The following FUT2 variants were observed in gnomAD, a reference collection of about 807,000 sequenced individuals.
FUT2 encodes galactoside alpha-(1,2)-fucosyltransferase 2.
For missense variants in FUT2, 419 were observed against 465.8 expected (o/e 0.90, Z 0.93); for synonymous variants, 182 against 193.1 (o/e 0.94, Z 0.48).
In FUT2 at chr19:48,703,170, C is replaced by T. The variant is rs1166576795; in HGVS notation, c.214C>T (p.Leu72=). 1 of 1,613,506 alleles carries T rather than the reference C, an allele frequency of 6.2e-7. No homozygotes were observed. The highest frequency in any genetic ancestry group is 1.1e-5 in the South Asian group (1 of 90,630). Residue 72 remains leucine (L), a synonymous_variant, in exon 2 of 2, where the codon CTG becomes TTG. Transcript: ENST00000425340. ...GTGGACGATCAATGCAATAGGCCGC[C>T]TGGGGAACCAGATGGGCGAGTACGC... ...GMWTINAIGR[L]GNQMGEYATL...
chr19:48,704,009 C>G lies in FUT2; in HGVS notation c.*21C>G. 1 of 1,605,728 alleles carries G rather than the reference C, an allele frequency of 6.2e-7. No individual in the cohort carries two copies. The highest frequency in any genetic ancestry group is 1.3e-5 in the African/African-American group (1 of 74,872). Reference sequence around the variant, plus strand: ...ACTAATGCTGGCCCATTCTTTGAGACCTTTTCTCCTTCTCTGCCTCCCTCA... The same window carrying G: ...ACTAATGCTGGCCCATTCTTTGAGAGCTTTTCTCCTTCTCTGCCTCCCTCA... On this transcript the variant is annotated 3_prime_UTR_variant, in exon 2 of 2. Transcript: ENST00000425340.
In FUT2 at chr19:48,704,516, C is replaced by T. The variant is rs28746182; in HGVS notation, c.*528C>T. The T allele has an allele frequency of 7.2e-6, 3 of 414,802 alleles. No homozygotes were observed. The highest frequency in any genetic ancestry group is 1.3e-5 in the Non-Finnish European group (3 of 226,162). 25.7% of individuals were successfully genotyped at this position (414,802 alleles called of 1,614,324 possible). ...CATAAGACCAGAAGTGGCCCAGGTC[C>T]AGGGTCAGTTAATTTAGCGGCTCCA... On this transcript the variant is annotated 3_prime_UTR_variant, in exon 2 of 2. Transcript: ENST00000425340.
At position 48,703,224 on chromosome 19, in the gene FUT2, G is replaced by A. The variant is rs764064106; in HGVS notation, c.268G>A (p.Gly90Arg). Reference sequence around the variant, plus strand: ...ACTGTACGCCCTGGCCAAGATGAACGGGCGGCCCGCCTTCATCCCGGCCCA... The same window carrying A: ...ACTGTACGCCCTGGCCAAGATGAACAGGCGGCCCGCCTTCATCCCGGCCCA... The part of the protein sequence containing the change: ...ATLYALAKMN[G>R]RPAFIPAQMH... The change falls in exon 2 of 2, where the codon GGG (glycine) becomes AGG (arginine). Residue 90 changes from glycine to arginine, a missense_variant. Gly to Arg is a moderately radical substitution (Grantham distance 125, BLOSUM62 -2). Coordinates refer to ENST00000425340, the MANE Select transcript of FUT2 (RefSeq NM_000511.6). 4.1e-5 allele frequency: 66 copies of A among 1,613,040 alleles called. 3 individuals are homozygous for A. The Admixed American group carries it at 5.0e-4, about 12-fold the overall frequency.
intron 1 of FUT2, among the ~76,000 whole-genome samples, chr19:48,701,137 A>G (rs73942308): frequency 0.16 from 24,807 of 151,520 alleles, 2,129 homozygotes; most frequent in Admixed American, 0.22. Context: ...AGAGCTCACT[A>G]TTTTCTTTTC....
chr19:48,697,836 A>G (rs1393950434), intron 1 of FUT2, among the ~76,000 whole-genome samples: 1 of 151,906 alleles, frequency 6.6e-6, no homozygotes, highest in African/African-American at 2.4e-5. Context: ...CTGAGATTAC[A>G]GTCATGAGCC....
chr19:48,704,596 C>T lies in FUT2; in HGVS notation c.*608C>T, dbSNP rs2032602332. 1 of 417,944 alleles carries T rather than the reference C, an allele frequency of 2.4e-6. No individual in the cohort carries two copies. 25.9% of individuals were successfully genotyped at this position (417,944 alleles called of 1,614,324 possible). A position where few individuals can be genotyped will look rare whatever the true frequency, so the allele number is the denominator to read the frequency against. On this transcript the variant is annotated 3_prime_UTR_variant, in exon 2 of 2. Coordinates refer to ENST00000425340, the MANE Select transcript of FUT2 (RefSeq NM_000511.6). ...ATCTTCACATGCTGTGCTACCATTT[C>T]TTAGCTGTATCATCCCATGGTCCCA...
chr19:48,700,166 A>G (rs2032485466), intron 1 of FUT2, among the ~76,000 whole-genome samples: 1 of 150,488 alleles, frequency 6.6e-6, no homozygotes, highest in South Asian at 2.1e-4. Flanking sequence ...AAAAAAAAAA[A>G]AAAAAAAAGA....
intron 1 of FUT2, among the ~76,000 whole-genome samples, chr19:48,697,780 C>T (rs1258079407): frequency 8.6e-5 from 13 of 151,978 alleles, no homozygotes; most frequent in Non-Finnish European, 1.8e-4. Context: ...CTGCAACCTC[C>T]GCCTCCCAGG....
chr19:48,703,144 T>A lies in FUT2; in HGVS notation c.188T>A (p.Met63Lys). The A allele has an allele frequency of 6.2e-7, 1 of 1,613,464 alleles. No homozygotes were observed. The highest frequency in any genetic ancestry group is 8.5e-7 in the Non-Finnish European group (1 of 1,180,030). ...KALGPSQLRG[M>K]WTINAIGRLG... is the part of the protein sequence containing the mutation. ...CTGGGACCCAGCCAGCTCAGGGGGA[T>A]GTGGACGATCAATGCAATAGGCCGC... The change falls in exon 2 of 2, where the codon ATG becomes AAG. Residue 63 changes from methionine (M) to lysine (K), a missense_variant. Met to Lys is a moderately conservative substitution (Grantham distance 95, BLOSUM62 -1). Transcript: ENST00000425340.
chr19:48,705,111 CTTTTTTT>C lies in FUT2; in HGVS notation c.*1134_*1140del. On this transcript the variant is annotated 3_prime_UTR_variant, in exon 2 of 2. Transcript: ENST00000425340. ...CACTGTTTTCTTTTCTTTTTCTTTT[CTTTTTTT>C]TTTTTTTTTTGAGATGGAGTCTTGC... is the stretch of plus-strand genomic sequence containing the variant. The C allele has an allele frequency of 7.3e-6, 1 of 136,100 alleles. No homozygotes were observed. The highest frequency in any genetic ancestry group is 1.5e-5 in the Non-Finnish European group (1 of 67,752). The allele number at this position is 136,100 out of a possible 1,614,324, so 8.4% of individuals were successfully genotyped here. A position where few individuals can be genotyped will look rare whatever the true frequency, so the allele number is the denominator to read the frequency against.
chr19:48,701,096 A>C (rs1367096842), intron 1 of FUT2, among the ~76,000 whole-genome samples: 1 of 151,878 alleles, frequency 6.6e-6, no homozygotes, highest in African/African-American at 2.4e-5. Context: ...TACTCATCAA[A>C]CCAGGTGTCC....
intron 1 of FUT2, 138 bp downstream of exon 1, chr19:48,696,227 C>A (rs1450950670): frequency 6.6e-6 from 1 of 152,256 alleles, no homozygotes; most frequent in Non-Finnish European, 1.5e-5. Context: ...CAACTCAGGA[C>A]CTCCAGGAGA....
chr19:48,704,192 T>G lies in FUT2; in HGVS notation c.*204T>G, dbSNP rs2032590562. The G allele has an allele frequency of 4.8e-6, 3 of 631,038 alleles. No homozygotes were observed. The highest frequency in any genetic ancestry group is 8.8e-6 in the Non-Finnish European group (3 of 341,880). The allele number at this position is 631,038 out of a possible 1,614,324, so 39.1% of individuals were successfully genotyped here. A position where few individuals can be genotyped will look rare whatever the true frequency, so the allele number is the denominator to read the frequency against. ...ATGCTCGCACTTTGTGAGGCCAGGG[T>G]GGGTGGATCACTTGAGGTCAGGAGT... is the stretch of plus-strand genomic sequence containing the variant. On this transcript the variant is annotated 3_prime_UTR_variant, in exon 2 of 2. Transcript: ENST00000425340.
At position 48,703,898 on chromosome 19, in the gene FUT2, C is replaced by G. The variant is rs374665741; in HGVS notation, c.942C>G (p.Ser314=). The change falls in exon 2 of 2, where the codon TCC becomes TCG. Residue 314 remains serine, a synonymous_variant. Coordinates refer to ENST00000425340, the MANE Select transcript of FUT2 (RefSeq NM_000511.6). ...TGGCCAATTACACCCTCCCCGACTC[C>G]CCTTTCCTCAAAATCTTTAAGCCAG... ...IYLANYTLPD[S]PFLKIFKPEA... The G allele has an allele frequency of 2.5e-5, 40 of 1,613,542 alleles. No homozygotes were observed. The highest frequency in any genetic ancestry group is 7.6e-6 in the Non-Finnish European group (9 of 1,180,040).
chr19:48,699,912 G>C (rs1399889852), intron 1 of FUT2, among the ~76,000 whole-genome samples: 1 of 151,884 alleles, frequency 6.6e-6, no homozygotes, highest in Non-Finnish European at 1.5e-5. Flanking sequence ...CCAGCACTTT[G>C]GGAGGCTGAG....
Position 48,703,979 on chromosome 19 carries a change from C to T in FUT2, c.1023C>T (p.Leu341=). Residue 341 remains leucine, a synonymous_variant, in exon 2 of 2, where the codon CTC becomes CTT. Coordinates refer to ENST00000425340, the MANE Select transcript of FUT2 (RefSeq NM_000511.6). ...TGIAADLSPL[L]KH ...TTGCCGCAGACCTGTCCCCCTTACT[C>T]AAGCACTAATGCTGGCCCATTCTTT... 1 of 1,613,418 alleles carries T rather than the reference C, an allele frequency of 6.2e-7. No individual in the cohort carries two copies. The highest frequency in any genetic ancestry group is 8.5e-7 in the Non-Finnish European group (1 of 1,179,958).
At chr19:48,699,456 TG>T (rs1327549292) in intron 1 of FUT2, among the ~76,000 whole-genome samples, 5 of 151,954 alleles carry the variant, frequency 3.3e-5, no homozygotes, top group African/African-American at 1.2e-4. Flanking sequence ...CTTTGGCTTC[TG>T]GAAGTTCTGG....
At chr19:48,702,299 C>T (rs1304810143) in intron 1 of FUT2, among the ~76,000 whole-genome samples, 3 of 151,782 alleles carry the variant, frequency 2.0e-5, no homozygotes, top group East Asian at 1.9e-4. Context: ...CCCAACTACT[C>T]GGGAGGCTAA....
chr19:48,704,085 C>A lies in FUT2; in HGVS notation c.*97C>A. On this transcript the variant is annotated 3_prime_UTR_variant, in exon 2 of 2. Transcript: ENST00000425340. ...ACATGGTTCCATGAGCAGGACCCAT[C>A]TCTCTTCTGTGAAGATGCGTTGGGC... The A allele has an allele frequency of 8.6e-7, 1 of 1,161,442 alleles. No individual in the cohort carries two copies. Among genetic ancestry groups the A allele is most frequent in the Non-Finnish European group, 1.3e-6 (1 of 776,554 alleles). 71.9% of individuals were successfully genotyped at this position (1,161,442 alleles called of 1,614,324 possible).
Sources: gnomAD v4.1 joint callset for allele counts (sites outside exome capture counted in the v4.1 genomes callset) on GRCh38, gnomAD v4.1.1 for gene constraint, MANE v1.5 for transcripts, NCBI Gene and HGNC (gene_info 2026-07-23, HGNC 2026-07-21) for gene names.